Variants in DOCK9 observed in about 807,000 individuals in gnomAD.
DOCK9 encodes dedicator of cytokinesis 9, also known as dedicator of cytokinesis protein 9.
Under a neutral mutation model 263.3 loss-of-function variants are expected in DOCK9, and 89 were observed. The ratio of observed to expected loss-of-function variants is 0.34; its 90% confidence interval spans 0.28 to 0.40. The LOEUF (loss-of-function observed/expected upper bound fraction) is 0.40. Among genes scored for constraint, DOCK9 ranks in the 10% least tolerant of loss-of-function variants. DOCK9 has a pLI of 1.00. For missense variants in DOCK9, 2,140 were observed against 2,603.4 expected (o/e 0.82, Z 3.87); for synonymous variants, 976 against 973.1 (o/e 1.00, Z -0.06).
intron 10 of DOCK9, among the ~76,000 whole-genome samples, chr13:98,903,315 C>T (rs533658769): frequency 3.0e-4 from 45 of 152,154 alleles, no homozygotes; most frequent in African/African-American, 1.0e-3. Context: ...AGACATGGGC[C>T]GGGCACGGTG....
chr13:99,040,734 G>C (rs909030421), intron 1 of DOCK9, among the ~76,000 whole-genome samples: 1 of 152,166 alleles, frequency 6.6e-6, no homozygotes, highest in African/African-American at 2.4e-5. Context: ...AGAGGGTGGA[G>C]AAATTAGGAG....
Position 98,868,268 on chromosome 13 carries a change from G to A in DOCK9, c.3053C>T (p.Ser1018Phe). 1 of 1,613,978 alleles carries A rather than the reference G, an allele frequency of 6.2e-7. No individual in the cohort carries two copies. The highest frequency in any genetic ancestry group is 8.5e-7 in the Non-Finnish European group (1 of 1,179,896). The change falls in exon 28 of 53, where the codon TCT (serine) becomes TTT (phenylalanine). Residue 1018 changes from serine to phenylalanine, a missense_variant. Transcript: ENST00000682017. ...AGCAAGGCTATGATTCGCGTTCTTA[G>A]ATGCCTCTGGATTATCTCGAAACTT... ...TQKFRDNPEA[S>F]KNANHSLAVF...
chr13:98,899,885 T>A (rs2048015102), intron 13 of DOCK9, among the ~76,000 whole-genome samples: 1 of 152,216 alleles, frequency 6.6e-6, no homozygotes, highest in African/African-American at 2.4e-5. Flanking sequence ...CCCCTTCTTT[T>A]TCTTTTTAAA....
chr13:98,848,265 GGAA>G (rs1487695476), intron 37 of DOCK9, among the ~76,000 whole-genome samples: 1 of 152,156 alleles, frequency 6.6e-6, no homozygotes, highest in African/African-American at 2.4e-5. Context: ...AAGGAACATA[GGAA>G]GAAGAACTGG....
intron 2 of DOCK9, among the ~76,000 whole-genome samples, chr13:98,944,680 T>C (rs1158270345): frequency 6.6e-6 from 1 of 152,132 alleles, no homozygotes; most frequent in Admixed American, 6.5e-5. Context: ...TAACAGTTCA[T>C]GGGGATGCAG....
Position 98,914,419 on chromosome 13 carries a change from G to A in DOCK9, c.893-24C>T, listed in dbSNP as rs370853740. ...ATCTAAAATGGCAAAACAGATTATC[G>A]GAATCACTTGTAATTCATAGCATTT... is the stretch of plus-strand genomic sequence containing the variant. On this transcript the variant is annotated intron_variant, in intron 8 of 52. Transcript: ENST00000682017. 1.4e-5 allele frequency: 23 copies of A among 1,589,800 alleles called. No individual in the cohort carries two copies. The African/African-American group carries it at 2.3e-4, about 16-fold the overall frequency.
In DOCK9 at chr13:98,880,669, C is replaced by T. The variant is rs529937267; in HGVS notation, c.2749G>A (p.Ala917Thr). 2.9e-5 allele frequency: 46 copies of T among 1,613,144 alleles called. No homozygotes were observed. The highest frequency in any genetic ancestry group is 6.7e-5 in the African/African-American group (5 of 75,016). The stretch of plus-strand genomic sequence containing the variant: ...GCAACATATGGCTCAGCCTTATACG[C>T]GTACTTTGAAGAAAAGAGAAAGAGA... The part of the protein sequence containing the change: ...ESHLRSYVKY[A>T]YKAEPYVASE... The change falls in exon 26 of 53, where the codon GCG becomes ACG. Residue 917 changes from alanine to threonine, a missense_variant. Ala to Thr is a moderately conservative substitution (Grantham distance 58). Transcript: ENST00000682017.
intron 15 of DOCK9, among the ~76,000 whole-genome samples, chr13:98,892,508 C>A (rs1397452083): frequency 6.6e-6 from 1 of 151,780 alleles, no homozygotes; most frequent in Non-Finnish European, 1.5e-5. Context: ...TAAAAAAAAA[C>A]AACTATATAT....
intron 1 of DOCK9, among the ~76,000 whole-genome samples, chr13:99,076,133 T>C (rs1235812660): frequency 6.6e-6 from 1 of 152,082 alleles, no homozygotes; most frequent in Admixed American, 6.5e-5. Context: ...ATAAATTCAC[T>C]GATAAGGAGT....
chr13:98,999,316 A>ACACTCTCT, intron 1 of DOCK9, among the ~76,000 whole-genome samples: 141 of 138,364 alleles, frequency 1.0e-3, no homozygotes, highest in Middle Eastern at 3.9e-3. Context: ...ACACACACAC[A>ACACTCTCT]CTCTCTCTCT....
chr13:98,824,328 A>G (rs909075650), intron 45 of DOCK9, 70 bp downstream of exon 45: 2 of 1,367,308 alleles, frequency 1.5e-6, no homozygotes, highest in South Asian at 1.2e-5. Flanking sequence ...GGTCTGATGC[A>G]CTAGCAATGC....
At chr13:98,905,110 G>A (rs1275372028) in intron 9 of DOCK9, among the ~76,000 whole-genome samples, 2 of 152,228 alleles carry the variant, frequency 1.3e-5, no homozygotes, top group African/African-American at 4.8e-5. Context: ...GGATGGAAAT[G>A]AGCCCAGATG....
At chr13:98,833,222 A>AAAAAAAAAAT (rs1555352145) in intron 39 of DOCK9, 1 of 146,652 alleles carries the variant, frequency 6.8e-6, no homozygotes. Context: ...AAAAAAAAAA[A>AAAAAAAAAAT]GATTTCCAGT....
chr13:99,071,045 CT>C (rs2041647357), intron 1 of DOCK9, among the ~76,000 whole-genome samples: 1 of 152,180 alleles, frequency 6.6e-6, no homozygotes, highest in Non-Finnish European at 1.5e-5. Context: ...AAAAATCCAC[CT>C]ATAACTTTTG....
At chr13:98,826,931 C>T (rs770651091) in intron 43 of DOCK9, 44 bp from the exon 44 acceptor site, 1 of 1,492,220 alleles carries the variant, frequency 6.7e-7, no homozygotes, top group Non-Finnish European at 9.3e-7. Context: ...TTCATAACAG[C>T]AAGTCATAAT....
chr13:98,921,175 A>C (rs1412130970), intron 6 of DOCK9, 87 bp from the exon 7 acceptor site: 1 of 1,336,012 alleles, frequency 7.5e-7, no homozygotes, highest in African/African-American at 1.5e-5. Flanking sequence ...CTACATACAT[A>C]CATAAAACCT....
chr13:98,997,541 T>C (rs1052779111), intron 1 of DOCK9, among the ~76,000 whole-genome samples: 1 of 152,224 alleles, frequency 6.6e-6, no homozygotes, highest in African/African-American at 2.4e-5. Context: ...AGCAGACCAG[T>C]AGCGATGTGA....
At chr13:98,884,018 G>A in intron 21 of DOCK9, 119 bp from the exon 22 acceptor site, 1 of 696,858 alleles carries the variant, frequency 1.4e-6, no homozygotes, top group Non-Finnish European at 2.4e-6. Context: ...TTAGTGACTT[G>A]GCGACTGTGC....
At chr13:98,811,354 T>C (rs572500961) in intron 45 of DOCK9, among the ~76,000 whole-genome samples, 3 of 152,330 alleles carry the variant, frequency 2.0e-5, no homozygotes, top group Admixed American at 2.0e-4. Flanking sequence ...CTTTATATAC[T>C]GTGGATAAAT....
Sources: allele counts gnomAD v4.1 joint callset (sites outside exome capture counted in the v4.1 genomes callset), GRCh38; gene constraint gnomAD v4.1.1; transcripts MANE v1.5; gene names NCBI Gene and HGNC (gene_info 2026-07-23, HGNC 2026-07-21).